The following DRD3 variants were observed in gnomAD, a reference collection of about 807,000 sequenced individuals.
DRD3 encodes the protein dopamine receptor D3, also known as D(3) dopamine receptor.
DRD3 carries 19 observed loss-of-function variants against 36.3 expected under a neutral mutation model. The observed-to-expected ratio is 0.52, with a 90% CI of 0.36 to 0.77. DRD3 has a LOEUF of 0.77. DRD3 is among the 30% of genes least tolerant of loss of function. DRD3 has a pLI of 0.00. For synonymous variants in DRD3, 195 were observed against 203.7 expected (o/e 0.96, Z 0.36); for missense variants, 465 against 505.3 (o/e 0.92, Z 0.77).
At position 114,131,245 on chromosome 3, in the gene DRD3, C is replaced by T. The variant is rs937150085; in HGVS notation, c.879G>A (p.Lys293=). Residue 293 remains lysine, a synonymous_variant, in exon 6 of 7, where the codon AAG becomes AAA. Coordinates refer to ENST00000383673, the MANE Select transcript of DRD3 (RefSeq NM_000796.6). ...RNSLSPTIAP[K]LSLEVRKLSN... Reference sequence around the variant, plus strand: ...TGAGTTTTCGAACTTCTAAGCTGAGCTTGGGCGCTATGGTGGGACTCAGGG... The same window carrying T: ...TGAGTTTTCGAACTTCTAAGCTGAGTTTGGGCGCTATGGTGGGACTCAGGG... 18 of 1,614,068 alleles carry T rather than the reference C, an allele frequency of 1.1e-5. No homozygotes were observed. The Admixed American group carries it at 1.7e-4, about 15-fold the overall frequency.
chr3:114,186,145 G>A (rs988622799), intron 1 of DRD3, among the ~76,000 whole-genome samples: 17 of 152,094 alleles, frequency 1.1e-4, no homozygotes, highest in Non-Finnish European at 4.4e-5. Flanking sequence ...TATATGCATT[G>A]TTTTTTAATG....
chr3:114,199,123 A>G (rs2078052052), intron 1 of DRD3: 1 of 152,180 alleles, frequency 6.6e-6, no homozygotes, highest in South Asian at 2.1e-4. Flanking sequence ...TGTGAAATTC[A>G]CTAATTTTTT....
Position 114,140,325 on chromosome 3 carries a change from C to T in DRD3, c.527-629G>A, listed in dbSNP as rs533671252. The stretch of plus-strand genomic sequence containing the variant: ...AAAAAGGCAGGTAATGATATTGTGA[C>T]ATGGAGAATGTGCACTTAGAAGGGT... On this transcript the variant is annotated intron_variant, in intron 4 of 6. Transcript: ENST00000383673. Among the ~76,000 whole-genome samples the T allele has an allele frequency of 4.9e-4, 75 of 152,292 alleles. 1 individual carries two copies. The highest frequency in any genetic ancestry group is 1.7e-3 in the African/African-American group (72 of 41,560).
At chr3:114,159,334 TTC>T (rs1270119470) in intron 3 of DRD3, among the ~76,000 whole-genome samples, 1 of 151,650 alleles carries the variant, frequency 6.6e-6, no homozygotes, top group East Asian at 1.9e-4. Flanking sequence ...TTCTTTCTCT[TTC>T]TCTCTCCCAC....
Position 114,171,975 on chromosome 3 carries a change from C to G in DRD3, c.18G>C (p.Gln6His), listed in dbSNP as rs200629672. 6.7e-7 allele frequency: 1 copy of G among 1,487,918 alleles called. No homozygotes were observed. The highest frequency in any genetic ancestry group is 2.5e-5 in the East Asian group (1 of 39,324). 92.2% of individuals were successfully genotyped at this position (1,487,918 alleles called of 1,614,324 possible). A position where few individuals can be genotyped will look rare whatever the true frequency, so the allele number is the denominator to read the frequency against. The stretch of plus-strand genomic sequence containing the variant: ...AGGTGTAGTTCAGGTGGCCACTCAG[C>G]TGGCTCAGAGATGCCATAGCCCAGA... MASLSQLSGHLNYTCG... is the reference protein window; with the variant it reads MASLSHLSGHLNYTCG... Residue 6 changes from glutamine to histidine, a missense_variant, in exon 2 of 7, where the codon CAG becomes CAC. Gln to His is a conservative substitution (Grantham distance 24, BLOSUM62 0). Coordinates refer to ENST00000383673, the MANE Select transcript of DRD3 (RefSeq NM_000796.6).
chr3:114,154,422 G>A (rs1317399196), intron 3 of DRD3, among the ~76,000 whole-genome samples: 1 of 152,058 alleles, frequency 6.6e-6, no homozygotes, highest in African/African-American at 2.4e-5. Flanking sequence ...AGCCTGGGTG[G>A]GAAGGCCTGA....
intron 1 of DRD3, among the ~76,000 whole-genome samples, chr3:114,196,949 G>A (rs1452645740): frequency 4.7e-5 from 7 of 149,792 alleles, no homozygotes; most frequent in Non-Finnish European, 8.9e-5. Flanking sequence ...GCACCTAATA[G>A]TCTTTTTTAA....
chr3:114,158,810 G>A (rs1392373725), intron 3 of DRD3, among the ~76,000 whole-genome samples: 1 of 152,210 alleles, frequency 6.6e-6, no homozygotes, highest in Non-Finnish European at 1.5e-5. Context: ...GAGCTATGAG[G>A]TGGATGGATG....
chr3:114,146,535 G>A (rs898688476), intron 4 of DRD3, among the ~76,000 whole-genome samples: 17 of 151,600 alleles, frequency 1.1e-4, no homozygotes, highest in African/African-American at 3.9e-4. Flanking sequence ...CTGGCCAACA[G>A]GGTAAAATAT....
chr3:114,193,780 A>T (rs1006731023), intron 1 of DRD3, among the ~76,000 whole-genome samples: 1 of 152,256 alleles, frequency 6.6e-6, no homozygotes, highest in Non-Finnish European at 1.5e-5. Context: ...AAATTCCAGA[A>T]AAGGAAATAT....
At chr3:114,135,850 C>T (rs998649925) in intron 5 of DRD3, among the ~76,000 whole-genome samples, 17 of 151,876 alleles carry the variant, frequency 1.1e-4, no homozygotes, top group Admixed American at 7.2e-4. Flanking sequence ...CCACCATGCC[C>T]GGCTAATTTT....
At chr3:114,160,759 G>C (rs1054055323) in intron 2 of DRD3, among the ~76,000 whole-genome samples, 6 of 152,142 alleles carry the variant, frequency 3.9e-5, no homozygotes, top group African/African-American at 1.4e-4. Context: ...TGTAAAATAA[G>C]TCTGTGCCAA....
In DRD3 at chr3:114,131,254, T is replaced by C. The variant is rs775904984; in HGVS notation, c.870A>G (p.Ile290Met). ...EKTRNSLSPT[I>M]APKLSLEVRK... Reference sequence around the variant, plus strand: ...GAACTTCTAAGCTGAGCTTGGGCGCTATGGTGGGACTCAGGGAATTCCGAG... The same window carrying C: ...GAACTTCTAAGCTGAGCTTGGGCGCCATGGTGGGACTCAGGGAATTCCGAG... The change falls in exon 6 of 7, where the codon ATA becomes ATG. Residue 290 changes from isoleucine to methionine, a missense_variant. By Grantham distance (10) the Ile-to-Met change is conservative (BLOSUM62 1). Transcript: ENST00000383673. 1 of 1,614,238 alleles carries C rather than the reference T, an allele frequency of 6.2e-7. No homozygotes were observed. Among genetic ancestry groups the C allele is most frequent in the South Asian group, 1.1e-5 (1 of 91,086 alleles).
Position 114,143,622 on chromosome 3 carries a change from C to T in DRD3, c.526+3793G>A, listed in dbSNP as rs577978260. On this transcript the variant is annotated intron_variant, in intron 4 of 6. Coordinates refer to ENST00000383673, the MANE Select transcript of DRD3 (RefSeq NM_000796.6). Reference sequence around the variant, plus strand: ...CCAATGAATCTGATTTTAGGATGGGCCTGTTATTCTTTTAATTTTGTGCTT... The same window carrying T: ...CCAATGAATCTGATTTTAGGATGGGTCTGTTATTCTTTTAATTTTGTGCTT... 1.2e-4 allele frequency among the ~76,000 whole-genome samples: 19 copies of T among 152,220 alleles called. No individual in the cohort carries two copies. The South Asian group carries it at 3.5e-3, about 28-fold the overall frequency.
intron 3 of DRD3, among the ~76,000 whole-genome samples, chr3:114,151,659 G>A (rs1369434168): frequency 2.0e-5 from 3 of 152,166 alleles, no homozygotes; most frequent in African/African-American, 7.2e-5. Flanking sequence ...CATTAATGAA[G>A]TGGGCCAACA....
intron 4 of DRD3, among the ~76,000 whole-genome samples, chr3:114,142,066 A>G (rs1276542699): frequency 1.3e-5 from 2 of 151,340 alleles, no homozygotes; most frequent in Admixed American, 6.6e-5. Context: ...AAAAAAAAAA[A>G]AAAAAAGAAA....
chr3:114,194,448 A>G (rs960194634), intron 1 of DRD3, among the ~76,000 whole-genome samples: 1 of 151,924 alleles, frequency 6.6e-6, no homozygotes, highest in Admixed American at 6.6e-5. Context: ...ATGCCCGGCT[A>G]ATTTTTGTAT....
chr3:114,181,644 A>C (rs1016399602), upstream of DRD3, among the ~76,000 whole-genome samples: 3 of 152,182 alleles, frequency 2.0e-5, no homozygotes, highest in African/African-American at 4.8e-5. Context: ...GAACATTCTC[A>C]TGTACTAGCC....
At chr3:114,159,951 C>A in intron 2 of DRD3, 84 bp from the exon 3 acceptor site, 2 of 1,208,018 alleles carry the variant, frequency 1.7e-6, no homozygotes. Flanking sequence ...TGCTTTGCTG[C>A]CTAGTGTAGA....
Sources: allele counts gnomAD v4.1 joint callset (sites outside exome capture counted in the v4.1 genomes callset), GRCh38; gene constraint gnomAD v4.1.1; transcripts MANE v1.5; gene names NCBI Gene and HGNC (gene_info 2026-07-23, HGNC 2026-07-21).